ADAMTS12: variants seen among roughly 807,000 people sequenced by gnomAD.
The protein encoded by ADAMTS12 is A disintegrin and metalloproteinase with thrombospondin motifs 12.
Under a neutral mutation model 167.8 loss-of-function variants are expected in ADAMTS12, and 118 were observed. The observed-to-expected ratio is 0.70, with a 90% CI of 0.61 to 0.82. ADAMTS12 has a LOEUF of 0.82. ADAMTS12 is among the 40% of genes least tolerant of loss of function. The probability of loss-of-function intolerance (pLI) is 0.00; values close to 1 mark genes in which losing one functional copy is unlikely to be tolerated. For missense variants in ADAMTS12, 1,916 were observed against 1,998.8 expected, an observed-to-expected ratio of 0.96 and a Z score of 0.79; for synonymous variants, 704 against 716.9, an observed-to-expected ratio of 0.98 and a Z score of 0.29.
At chr5:33,816,308 A>C (rs1747651610) in intron 2 of ADAMTS12, among the ~76,000 whole-genome samples, 10 of 152,188 alleles carry the variant, frequency 6.6e-5, no homozygotes, top group Admixed American at 6.6e-4. Flanking sequence ...GCAGTACCTA[A>C]CAGTTTTTGT....
At chr5:33,574,260 G>T (rs1746548777) in intron 19 of ADAMTS12, among the ~76,000 whole-genome samples, 2 of 151,944 alleles carry the variant, frequency 1.3e-5, no homozygotes, top group East Asian at 1.9e-4. Context: ...TATACCCAAA[G>T]GACTATAAAT....
At chr5:33,878,448 T>C (rs1750308948) in intron 2 of ADAMTS12, among the ~76,000 whole-genome samples, 1 of 152,148 alleles carries the variant, frequency 6.6e-6, no homozygotes, top group South Asian at 2.1e-4. Flanking sequence ...GAATCTGAAA[T>C]CTGAATCTGA....
intron 3 of ADAMTS12, among the ~76,000 whole-genome samples, chr5:33,694,205 A>G (rs534990492): frequency 1.4e-4 from 22 of 152,328 alleles, no homozygotes; most frequent in African/African-American, 5.1e-4. Flanking sequence ...GGAAGAATCA[A>G]TATTCTTAAA....
intron 19 of ADAMTS12, among the ~76,000 whole-genome samples, chr5:33,563,293 T>C (rs1307916606): frequency 6.6e-6 from 1 of 152,210 alleles, no homozygotes; most frequent in African/African-American, 2.4e-5. Context: ...TTGCAGCTTC[T>C]GTCATCCAGA....
intron 20 of ADAMTS12, among the ~76,000 whole-genome samples, chr5:33,554,016 G>C (rs1011872697): frequency 1.3e-5 from 2 of 152,144 alleles, no homozygotes. Flanking sequence ...CAATCTAGCT[G>C]AGGCAGGAGA....
At chr5:33,797,060 CCTT>C (rs1316610460) in intron 2 of ADAMTS12, among the ~76,000 whole-genome samples, 3 of 152,274 alleles carry the variant, frequency 2.0e-5, no homozygotes, top group African/African-American at 7.2e-5. Context: ...CTCTGAGAAA[CCTT>C]CTTCTATAAA....
At chr5:33,653,978 G>T (rs1231069140) in intron 7 of ADAMTS12, among the ~76,000 whole-genome samples, 1 of 152,094 alleles carries the variant, frequency 6.6e-6, no homozygotes, top group South Asian at 2.1e-4. Context: ...GGTCTCTGAA[G>T]CTCTGTTCAA....
intron 12 of ADAMTS12, among the ~76,000 whole-genome samples, chr5:33,631,132 T>C (rs976050793): frequency 6.6e-6 from 1 of 152,208 alleles, no homozygotes; most frequent in Non-Finnish European, 1.5e-5. Context: ...ACAAGTTTCA[T>C]AATGAATTAA....
chr5:33,699,188 A>G (rs1488070266), intron 3 of ADAMTS12, among the ~76,000 whole-genome samples: 1 of 152,136 alleles, frequency 6.6e-6, no homozygotes, highest in Non-Finnish European at 1.5e-5. Context: ...AAATAAAAAT[A>G]AAAAGCTTAA....
At chr5:33,674,602 G>A (rs1741832866) in intron 5 of ADAMTS12, among the ~76,000 whole-genome samples, 1 of 152,052 alleles carries the variant, frequency 6.6e-6, no homozygotes, top group Admixed American at 6.6e-5. Context: ...TATTTTGGGG[G>A]TCCTAAGCTG....
intron 2 of ADAMTS12, among the ~76,000 whole-genome samples, chr5:33,844,703 C>T (rs1383645409): frequency 1.3e-5 from 2 of 152,270 alleles, no homozygotes; most frequent in Middle Eastern, 3.4e-3. Flanking sequence ...TATTCTATTA[C>T]CTTGTGAAGC....
rs191389606 is a variant in ADAMTS12 at position 33,661,141 on chromosome 5, G to T, written c.1040+775C>A. On this transcript the variant is annotated intron_variant, in intron 6 of 23. Transcript: ENST00000504830. The stretch of plus-strand genomic sequence containing the variant: ...CATACCTGGATTTCTGGACAAATAG[G>T]CATACGGAGCCCAAGAAGAATTTAC... 1.8e-3 allele frequency among the ~76,000 whole-genome samples: 272 copies of T among 152,248 alleles called. 2 individuals are homozygous for T. The highest frequency in any genetic ancestry group is 1.1e-3 in the Non-Finnish European group (72 of 68,014).
intron 2 of ADAMTS12, among the ~76,000 whole-genome samples, chr5:33,858,946 G>A (rs1344973735): frequency 2.6e-5 from 4 of 152,052 alleles, no homozygotes; most frequent in Admixed American, 1.3e-4. Flanking sequence ...AAGCCGTGAG[G>A]GTCTGTGCCT....
At chr5:33,613,399 T>C (rs982733863) in intron 16 of ADAMTS12, among the ~76,000 whole-genome samples, 1 of 152,162 alleles carries the variant, frequency 6.6e-6, no homozygotes, top group Non-Finnish European at 1.5e-5. Context: ...GCTCCTCAAA[T>C]GTCCACGTAC....
At chr5:33,736,550 A>C (rs1744382230) in intron 3 of ADAMTS12, among the ~76,000 whole-genome samples, 1 of 152,168 alleles carries the variant, frequency 6.6e-6, no homozygotes, top group Non-Finnish European at 1.5e-5. Flanking sequence ...GTATTTACAA[A>C]CAGGAAAAGA....
chr5:33,836,843 C>T (rs1287655398), intron 2 of ADAMTS12, among the ~76,000 whole-genome samples: 1 of 152,098 alleles, frequency 6.6e-6, no homozygotes, highest in East Asian at 1.9e-4. Context: ...GCCTAGAGGG[C>T]TGGTGGTAGA....
At position 33,706,099 on chromosome 5, in the gene ADAMTS12, T is replaced by A. The variant is rs189247043; in HGVS notation, c.635-22044A>T. On this transcript the variant is annotated intron_variant, in intron 3 of 23. Transcript: ENST00000504830. ...TATCAAAATACCAATGACTTTTTTT[T>A]AAAAAAATAGAAAAACAATCTTGAA... 1.2e-3 allele frequency among the ~76,000 whole-genome samples: 177 copies of A among 152,134 alleles called. 1 individual carries two copies. The highest frequency in any genetic ancestry group is 3.7e-3 in the African/African-American group (154 of 41,532).
intron 3 of ADAMTS12, among the ~76,000 whole-genome samples, chr5:33,709,759 G>A (rs937572743): frequency 2.6e-5 from 4 of 152,026 alleles, no homozygotes; most frequent in Non-Finnish European, 4.4e-5. Flanking sequence ...TGCATGCTGC[G>A]CTTAATACCT....
At chr5:33,867,696 T>C (rs994351749) in intron 2 of ADAMTS12, among the ~76,000 whole-genome samples, 14 of 152,192 alleles carry the variant, frequency 9.2e-5, no homozygotes, top group Non-Finnish European at 2.1e-4. Context: ...ATGTTGGGTG[T>C]ACTGTTATAT....
Sources: gnomAD v4.1 joint callset for allele counts (sites outside exome capture counted in the v4.1 genomes callset) on GRCh38, gnomAD v4.1.1 for gene constraint, MANE v1.5 for transcripts, NCBI Gene and HGNC (gene_info 2026-07-23, HGNC 2026-07-21) for gene names.